The following TMCO5A variants were observed in gnomAD, a reference collection of about 807,000 sequenced individuals.
TMCO5A encodes the protein transmembrane and coiled-coil domain-containing protein 5A.
Under a neutral mutation model 42.3 loss-of-function variants are expected in TMCO5A, and 34 were observed. The observed-to-expected ratio is 0.80, with a 90% CI of 0.61 to 1.07. The LOEUF (loss-of-function observed/expected upper bound fraction) is 1.07. Among genes scored for constraint, TMCO5A ranks in the 50% least tolerant of loss-of-function variants. The pLI, the probability that TMCO5A is intolerant of heterozygous loss-of-function variation, is 0.00. For missense variants in TMCO5A, 357 were observed against 327.9 expected (o/e 1.09, Z -0.69); for synonymous variants, 131 against 115.6 (o/e 1.13, Z -0.86).
the TMCO5A span, among the ~76,000 whole-genome samples, chr15:38,023,857 T>C: frequency 1.3e-5 from 2 of 152,192 alleles, no homozygotes; most frequent in Admixed American, 6.5e-5. Context: ...GACTAGGTAA[T>C]ATAAAATAGT....
Position 37,936,412 on chromosome 15 carries a change from C to CAAATCAGA in TMCO5A, c.92_99dup (p.Leu34IlefsTer69), listed in dbSNP as rs1191659675. 1.2e-6 allele frequency: 2 copies of CAAATCAGA among 1,612,810 alleles called. No individual in the cohort carries two copies. The highest frequency in any genetic ancestry group is 2.7e-5 in the African/African-American group (2 of 74,766). ...AGGGATACGCAGAGAATAGATGAAGCAAATCAGAAACTTCTTCTCAAAATC... is the reference window on the plus strand; with the variant it reads ...AGGGATACGCAGAGAATAGATGAAGCAAATCAGAAAATCAGAAACTTCTTCTCAAAATC... On this transcript the variant is annotated frameshift_variant, in exon 3 of 12. Coordinates refer to ENST00000319669, the MANE Select transcript of TMCO5A (RefSeq NM_152453.4). LOFTEE classifies it high-confidence loss of function.
the TMCO5A span, among the ~76,000 whole-genome samples, chr15:38,030,274 T>C: frequency 6.6e-6 from 1 of 152,120 alleles, no homozygotes; most frequent in Admixed American, 6.6e-5. Context: ...TCTAACAAAT[T>C]TTGTGTCAGT....
At chr15:38,016,059 C>T in the TMCO5A span, among the ~76,000 whole-genome samples, 1 of 152,136 alleles carries the variant, frequency 6.6e-6, no homozygotes, top group South Asian at 2.1e-4. Context: ...AAACTACGGA[C>T]TTCGGATGAT....
intron 11 of TMCO5A, among the ~76,000 whole-genome samples, chr15:37,962,086 G>A (rs1462450558): frequency 6.6e-6 from 1 of 152,078 alleles, no homozygotes; most frequent in Non-Finnish European, 1.5e-5. Context: ...TTGAAGAGGA[G>A]TAGTGAGAGT....
chr15:38,038,695 A>C, the TMCO5A span, among the ~76,000 whole-genome samples: 132 of 152,252 alleles, frequency 8.7e-4, no homozygotes, highest in African/African-American at 3.1e-3. Context: ...CATAAGCCAC[A>C]ACACCCGGCC....
At chr15:37,936,583 T>A in intron 3 of TMCO5A, 120 bp downstream of exon 3, 1 of 1,277,184 alleles carries the variant, frequency 7.8e-7, no homozygotes, top group South Asian at 1.5e-5. Context: ...AAAAAGTTAA[T>A]TTTTCATTCT....
rs191641783 is a variant in TMCO5A, at chr15:37,945,386, T to C, written c.627+1988T>C. ...AATGATTTATATTCCTTTGGGTATA[T>C]ACCCAGTAATGACATTGCTGGGTCA... On this transcript the variant is annotated intron_variant, in intron 10 of 11. Coordinates refer to ENST00000319669, the MANE Select transcript of TMCO5A (RefSeq NM_152453.4). 4.8e-4 allele frequency among the ~76,000 whole-genome samples: 73 copies of C among 152,302 alleles called. 1 individual carries two copies. Among genetic ancestry groups the C allele is most frequent in the African/African-American group, 1.6e-3 (65 of 41,584 alleles).
At chr15:38,025,305 G>C in the TMCO5A span, among the ~76,000 whole-genome samples, 1 of 151,966 alleles carries the variant, frequency 6.6e-6, no homozygotes, top group African/African-American at 2.4e-5. Flanking sequence ...TGGCTAGACA[G>C]AGTAACCTTT....
the TMCO5A span, among the ~76,000 whole-genome samples, chr15:38,029,674 T>C: frequency 1.3e-5 from 2 of 152,142 alleles, no homozygotes. Context: ...TGCCTCGAAC[T>C]CCTGGGCTCA....
At chr15:37,993,996 C>G in the TMCO5A span, among the ~76,000 whole-genome samples, 1 of 152,202 alleles carries the variant, frequency 6.6e-6, no homozygotes, top group Non-Finnish European at 1.5e-5. Flanking sequence ...AGACAGATTC[C>G]TGGTGCTTCC....
intron 11 of TMCO5A, among the ~76,000 whole-genome samples, chr15:37,959,979 G>C (rs1389985039): frequency 3.3e-5 from 5 of 151,928 alleles, no homozygotes; most frequent in African/African-American, 1.2e-4. Flanking sequence ...ATTCAGTAAA[G>C]TTGCAGGATA....
the TMCO5A span, among the ~76,000 whole-genome samples, chr15:38,014,836 A>T: frequency 1.4e-5 from 2 of 138,250 alleles, no homozygotes; most frequent in Non-Finnish European, 3.1e-5. Context: ...AGAGGAACAG[A>T]ACTAATAGGA....
At chr15:37,993,073 TTTA>T in the TMCO5A span, among the ~76,000 whole-genome samples, 1 of 152,168 alleles carries the variant, frequency 6.6e-6, no homozygotes, top group East Asian at 1.9e-4. Flanking sequence ...TTCTTTTTAG[TTTA>T]TTTTTTTACA....
intron 11 of TMCO5A, among the ~76,000 whole-genome samples, chr15:37,961,780 AT>A (rs1890434289): frequency 6.6e-6 from 1 of 151,628 alleles, no homozygotes; most frequent in Non-Finnish European, 1.5e-5. Flanking sequence ...TGAATATTTT[AT>A]TTTATTTTTG....
the TMCO5A span, among the ~76,000 whole-genome samples, chr15:38,008,249 G>A: frequency 6.6e-6 from 1 of 152,034 alleles, no homozygotes; most frequent in African/African-American, 2.4e-5. Context: ...CTCCCAGATT[G>A]CTGAAGAAAT....
At chr15:37,991,896 T>TA in the TMCO5A span, among the ~76,000 whole-genome samples, 72 of 152,012 alleles carry the variant, frequency 4.7e-4, no homozygotes, top group African/African-American at 7.2e-4. Context: ...CCCAAATATA[T>TA]AAAAAACCCT....
chr15:37,942,302 T>G, intron 9 of TMCO5A, 47 bp downstream of exon 9: 2 of 1,571,346 alleles, frequency 1.3e-6, no homozygotes, highest in South Asian at 2.2e-5. Flanking sequence ...AAACTCCATC[T>G]CAGCCTGAGT....
chr15:38,025,286 A>C, the TMCO5A span, among the ~76,000 whole-genome samples: 1 of 151,786 alleles, frequency 6.6e-6, no homozygotes, highest in African/African-American at 2.4e-5. Flanking sequence ...TACCCCTTTC[A>C]TGGTCTTTTG....
chr15:38,017,942 C>T, the TMCO5A span, among the ~76,000 whole-genome samples: 1 of 152,148 alleles, frequency 6.6e-6, no homozygotes, highest in African/African-American at 2.4e-5. Context: ...CTTCCCCCTT[C>T]ACTCTCTCTC....
Sources: gnomAD v4.1 joint callset for allele counts (sites outside exome capture counted in the v4.1 genomes callset) on GRCh38, gnomAD v4.1.1 for gene constraint, MANE v1.5 for transcripts, NCBI Gene and HGNC (gene_info 2026-07-23, HGNC 2026-07-21) for gene names.